The following POLR1A variants were observed in gnomAD, a reference collection of about 807,000 sequenced individuals.
The protein encoded by POLR1A is RNA polymerase I subunit A, also known as DNA-directed RNA polymerase I subunit RPA1.
A neutral mutation model predicts 205.3 loss-of-function variants in POLR1A; 84 were observed. The ratio of observed to expected loss-of-function variants is 0.41; its 90% confidence interval spans 0.34 to 0.49. POLR1A has a LOEUF of 0.49. POLR1A is among the 20% of genes least tolerant of loss of function. POLR1A has a pLI of 0.22. For missense variants in POLR1A, 1,645 were observed against 2,204.5 expected, an observed-to-expected ratio of 0.75 and a Z score of 5.08; for synonymous variants, 799 against 863.7, an observed-to-expected ratio of 0.93 and a Z score of 1.31.
At position 86,028,511 on chromosome 2, in the gene POLR1A, C is replaced by CTCGGTGCTGG; in HGVS notation, c.4897+82_4897+83insCCAGCACCGA. 1.0e-6 allele frequency: 1 copy of CTCGGTGCTGG among 959,768 alleles called. No homozygotes were observed. The highest frequency in any genetic ancestry group is 1.7e-6 in the Non-Finnish European group (1 of 585,970). The allele number at this position is 959,768 out of a possible 1,614,324, so 59.5% of individuals were successfully genotyped here. On this transcript the variant is annotated intron_variant, in intron 32 of 33. Transcript: ENST00000263857. This position sits in a 1 kb window ranked among gnomAD's most constrained non-coding sequence, Gnocchi z 4.5. ...CTGGACTGACTCGGTGCTGGACCGACACGGTCCTGACCCTCCTGCCGAGCC... is the reference window on the plus strand; with the variant it reads ...CTGGACTGACTCGGTGCTGGACCGACTCGGTGCTGGACGGTCCTGACCCTCCTGCCGAGCC...
At chr2:86,066,998 C>T (rs1673093318) in intron 13 of POLR1A, among the ~76,000 whole-genome samples, 2 of 152,128 alleles carry the variant, frequency 1.3e-5, no homozygotes, top group South Asian at 4.1e-4. Flanking sequence ...ACTGATTTTT[C>T]CTTTTGTTTT....
chr2:86,078,267 A>C lies in POLR1A; in HGVS notation c.1104T>G (p.Ile368Met), dbSNP rs773471303. Residue 368 changes from isoleucine (I) to methionine (M), a missense_variant, in exon 10 of 34, where the codon ATT becomes ATG. Ile to Met is a conservative substitution (Grantham distance 10). Transcript: ENST00000263857. The part of the protein sequence containing the change: ...PTTDEEKDSL[I>M]AIDRSFLSTL... ...TACTCAAAAAGGATCGGTCAATAGCAATCAAAGAGTCTTTTTCCTGGAAGA... is the reference window on the plus strand; with the variant it reads ...TACTCAAAAAGGATCGGTCAATAGCCATCAAAGAGTCTTTTTCCTGGAAGA... 1 of 1,571,144 alleles carries C rather than the reference A, an allele frequency of 6.4e-7. No homozygotes were observed. The highest frequency in any genetic ancestry group is 8.6e-7 in the Non-Finnish European group (1 of 1,163,522).
At chr2:86,092,642 T>C (rs1438684429) in intron 3 of POLR1A, among the ~76,000 whole-genome samples, 3 of 152,160 alleles carry the variant, frequency 2.0e-5, no homozygotes, top group Non-Finnish European at 4.4e-5. Context: ...CTGGCCAACA[T>C]GGTGAAACCC....
intron 31 of POLR1A, among the ~76,000 whole-genome samples, chr2:86,029,775 A>AT (rs201376388): frequency 0.11 from 16,320 of 149,352 alleles, 1,232 homozygotes; most frequent in African/African-American, 0.21. Flanking sequence ...TTTTTTTTGT[A>AT]TTTTTTAGTA....
chr2:86,083,792 T>C (rs917791603), intron 6 of POLR1A, among the ~76,000 whole-genome samples: 3 of 152,210 alleles, frequency 2.0e-5, no homozygotes, highest in Admixed American at 6.5e-5. Context: ...TTTTTATAGG[T>C]AAATATATAC....
intron 19 of POLR1A, among the ~76,000 whole-genome samples, chr2:86,046,273 T>G (rs1003149347): frequency 6.6e-6 from 1 of 151,868 alleles, no homozygotes; most frequent in Admixed American, 6.6e-5. Context: ...TATTTTCAAT[T>G]AAAAACAAAA....
rs1374039962 is a variant in POLR1A at position 86,105,824 on chromosome 2, A to G, written c.-48T>C. ...CGACACCCCAAGAGACGTTCCACTC[A>G]CCACCTGACTATTCTTAATTCAACC... On this transcript the variant is annotated 5_prime_UTR_variant, in exon 1 of 34. Coordinates refer to ENST00000263857, the MANE Select transcript of POLR1A (RefSeq NM_015425.6). 2 of 1,458,056 alleles carry G rather than the reference A, an allele frequency of 1.4e-6. No individual in the cohort carries two copies. Among genetic ancestry groups the G allele is most frequent in the South Asian group, 2.3e-5 (2 of 87,766 alleles). 90.3% of individuals were successfully genotyped at this position (1,458,056 alleles called of 1,614,324 possible).
intron 16 of POLR1A, among the ~76,000 whole-genome samples, chr2:86,049,547 A>G (rs1253432777): frequency 6.6e-6 from 1 of 152,164 alleles, no homozygotes; most frequent in African/African-American, 2.4e-5. Flanking sequence ...GTTCTTAGCC[A>G]CCAGCTATAC....
chr2:86,081,497 T>G (rs1673400635), intron 8 of POLR1A, 104 bp downstream of exon 8: 1 of 685,590 alleles, frequency 1.5e-6, no homozygotes, highest in East Asian at 2.6e-5. Context: ...GAACTGCAGC[T>G]TTGTCTCTCA....
intron 13 of POLR1A, among the ~76,000 whole-genome samples, chr2:86,067,138 C>T (rs1673095542): frequency 6.6e-6 from 1 of 152,148 alleles, no homozygotes; most frequent in Non-Finnish European, 1.5e-5. Flanking sequence ...ATCACAAATT[C>T]TATGGCAGAA....
intron 4 of POLR1A, 30 bp downstream of exon 4, chr2:86,089,792 C>T (rs1673569040): frequency 1.5e-6 from 2 of 1,309,866 alleles, no homozygotes; most frequent in Non-Finnish European, 2.2e-6. Context: ...ATGCCCAAAA[C>T]AGCATGGGAG....
intron 4 of POLR1A, among the ~76,000 whole-genome samples, chr2:86,089,178 T>C (rs1424521): frequency 0.96 from 146,734 of 152,352 alleles, 70,718 homozygotes; most frequent in East Asian, 1. Context: ...ACTCAATAAG[T>C]GCTAGTTACT....
intron 22 of POLR1A, among the ~76,000 whole-genome samples, chr2:86,043,415 G>T (rs895739129): frequency 1.3e-5 from 2 of 152,114 alleles, no homozygotes; most frequent in Admixed American, 6.5e-5. Context: ...CAATGGTCTT[G>T]GGAGCAGAGG....
rs1268773467 is a variant in POLR1A, at chr2:86,027,888, G to A, written c.5059C>T (p.Leu1687=). 24 of 1,614,122 alleles carry A rather than the reference G, an allele frequency of 1.5e-5. No individual in the cohort carries two copies. The East Asian group carries it at 5.1e-4, about 34-fold the overall frequency. Residue 1687 remains leucine (L), a synonymous_variant, in exon 33 of 34, where the codon CTG becomes TTG. Transcript: ENST00000263857. ...GGGCTCCTGCCCACGCACTAACCCAGCATGGTGGCTTGCTTCAGAAACTGG... is the reference window on the plus strand; with the variant it reads ...GGGCTCCTGCCCACGCACTAACCCAACATGGTGGCTTGCTTCAGAAACTGG... The part of the protein sequence containing the change: ...SFQFLKQATM[L]GSHDELRSPS...
chr2:86,100,702 T>A (rs1257855249), intron 1 of POLR1A, among the ~76,000 whole-genome samples: 1 of 151,896 alleles, frequency 6.6e-6, no homozygotes, highest in Non-Finnish European at 1.5e-5. Flanking sequence ...CCCAAACAAT[T>A]TTTCGATTAA....
intron 11 of POLR1A, among the ~76,000 whole-genome samples, chr2:86,077,539 G>T (rs556133174): frequency 1.3e-5 from 2 of 152,158 alleles, no homozygotes; most frequent in Non-Finnish European, 2.9e-5. Context: ...AGGCTGAAGT[G>T]GGCAGGAGGA....
chr2:86,071,394 G>A (rs1188837008), intron 12 of POLR1A, among the ~76,000 whole-genome samples: 2 of 152,008 alleles, frequency 1.3e-5, no homozygotes, highest in African/African-American at 2.4e-5. Context: ...AGCCTCAAAC[G>A]ATCTTCCCGC....
chr2:86,080,931 T>A lies in POLR1A; in HGVS notation c.971A>T (p.Gln324Leu), dbSNP rs1027145543. The A allele has an allele frequency of 6.2e-7, 1 of 1,614,168 alleles. No individual in the cohort carries two copies. The highest frequency in any genetic ancestry group is 8.5e-7 in the Non-Finnish European group (1 of 1,179,996). The change falls in exon 9 of 34, where the codon CAG (glutamine) becomes CTG (leucine). Residue 324 changes from glutamine to leucine, a missense_variant. Transcript: ENST00000263857. ...CATGACAGCCTGCAAGTTCACCGTCTGGCCATTAGTAAACATCTGGTCTCC... is the reference window on the plus strand; with the variant it reads ...CATGACAGCCTGCAAGTTCACCGTCAGGCCATTAGTAAACATCTGGTCTCC... ...RLGDQMFTNG[Q>L]TVNLQAVMKD...
chr2:86,047,992 T>G (rs896526560), intron 18 of POLR1A, among the ~76,000 whole-genome samples: 2 of 152,164 alleles, frequency 1.3e-5, no homozygotes, highest in African/African-American at 4.8e-5. Flanking sequence ...CCCTAGAAGC[T>G]GAGCTTCCTG....
Sources: allele counts gnomAD v4.1 joint callset (sites outside exome capture counted in the v4.1 genomes callset), GRCh38; gene constraint gnomAD v4.1.1; non-coding constraint Gnocchi (gnomAD v3.1); transcripts MANE v1.5; gene names NCBI Gene and HGNC (gene_info 2026-07-23, HGNC 2026-07-21).